EYA1: variants seen among roughly 807,000 people sequenced by gnomAD.
EYA1 encodes the protein protein phosphatase EYA1.
EYA1 carries 16 observed loss-of-function variants against 82.0 expected under a neutral mutation model. The observed-to-expected ratio is 0.20, with a 90% CI of 0.13 to 0.30. The LOEUF (loss-of-function observed/expected upper bound fraction) is 0.30, where lower values mean the gene tolerates loss of function less well. EYA1 is among the 10% of genes least tolerant of loss of function. The pLI is 1.00. For synonymous variants in EYA1, 261 were observed against 264.4 expected, an observed-to-expected ratio of 0.99 and a Z score of 0.12; for missense variants, 633 against 730.7, an observed-to-expected ratio of 0.87 and a Z score of 1.54.
At chr8:71,365,928 G>A (rs564054611), upstream of EYA1, among the ~76,000 whole-genome samples, 55 of 152,298 alleles carry the variant, frequency 3.6e-4, no homozygotes, top group African/African-American at 1.3e-3. Context: ...ACTCCAACAT[G>A]ATTAGCTTTT....
chr8:71,381,535 C>A (rs1309125936), intron 2 of EYA1, among the ~76,000 whole-genome samples: 1 of 152,120 alleles, frequency 6.6e-6, no homozygotes, highest in Non-Finnish European at 1.5e-5. Flanking sequence ...TAGGACAGAC[C>A]AAATCCTGAA....
rs200923204 is a variant in EYA1, at chr8:71,299,226, G to A, written c.647C>T (p.Pro216Leu). Residue 216 changes from proline (P) to leucine (L), a missense_variant, in exon 9 of 18, where the codon CCG becomes CTG. By Grantham distance (98) the Pro-to-Leu change is moderately conservative. Transcript: ENST00000340726. ...ACCCTGGCCAAAACTGGGATAAGACGGATAGTCCTACCAAATCAAACCACA... is the reference window on the plus strand; with the variant it reads ...ACCCTGGCCAAAACTGGGATAAGACAGATAGTCCTACCAAATCAAACCACA... ...SGFNSSQQDY[P>L]SYPSFGQGQY... is the part of the protein sequence containing the mutation. 8 of 1,613,910 alleles carry A rather than the reference G, an allele frequency of 5.0e-6. No homozygotes were observed. Among genetic ancestry groups the A allele is most frequent in the East Asian group, 2.2e-5 (1 of 44,876 alleles).
chr8:71,440,908 C>G (rs1806383451), intron 2 of EYA1, among the ~76,000 whole-genome samples: 1 of 152,050 alleles, frequency 6.6e-6, no homozygotes, highest in Admixed American at 6.6e-5. Context: ...GTAAGGATAT[C>G]CCCCTATGGA....
chr8:71,470,186 T>G (rs965852136), intron 2 of EYA1, among the ~76,000 whole-genome samples: 1 of 152,114 alleles, frequency 6.6e-6, no homozygotes, highest in East Asian at 1.9e-4. Flanking sequence ...TTCCTGAAGA[T>G]GGCCTAATCA....
intron 1 of EYA1, among the ~76,000 whole-genome samples, chr8:71,537,126 T>G (rs1420666087): frequency 6.6e-6 from 1 of 152,342 alleles, no homozygotes; most frequent in Non-Finnish European, 1.5e-5. Context: ...TTATCAATGC[T>G]GCAAATGTAT....
chr8:71,379,356 G>GA (rs1052151059), intron 2 of EYA1, among the ~76,000 whole-genome samples: 1 of 152,054 alleles, frequency 6.6e-6, no homozygotes, highest in Admixed American at 6.6e-5. Context: ...CTAAGGCCAG[G>GA]ATGATACACT....
chr8:71,487,467 T>A (rs1285810026), intron 2 of EYA1, among the ~76,000 whole-genome samples: 1 of 152,194 alleles, frequency 6.6e-6, no homozygotes, highest in Non-Finnish European at 1.5e-5. Flanking sequence ...CCTGTATCCA[T>A]AATTTAAGCA....
At chr8:71,337,814 C>T (rs1018620058) in intron 3 of EYA1, among the ~76,000 whole-genome samples, 2 of 152,078 alleles carry the variant, frequency 1.3e-5, no homozygotes, top group African/African-American at 4.8e-5. Flanking sequence ...GGAGTAATAC[C>T]AGGAACAATA....
chr8:71,402,765 A>G (rs1830025457), intron 2 of EYA1, among the ~76,000 whole-genome samples: 1 of 152,196 alleles, frequency 6.6e-6, no homozygotes, highest in Non-Finnish European at 1.5e-5. Flanking sequence ...TATATACAGA[A>G]ATTAGCAGAA....
intron 2 of EYA1, among the ~76,000 whole-genome samples, chr8:71,372,496 C>T (rs1265302101): frequency 2.0e-5 from 3 of 152,068 alleles, no homozygotes; most frequent in African/African-American, 7.2e-5. Context: ...AGGAAGCAAA[C>T]CTCCTTTACA....
intron 11 of EYA1, among the ~76,000 whole-genome samples, chr8:71,251,308 T>C (rs1256700516): frequency 6.6e-6 from 1 of 152,232 alleles, no homozygotes; most frequent in Non-Finnish European, 1.5e-5. Context: ...TTTTCTTGTT[T>C]AACGAAGAAA....
intron 12 of EYA1, among the ~76,000 whole-genome samples, chr8:71,229,007 A>AAAAAC (rs145240999): frequency 0.013 from 1,985 of 152,292 alleles, 15 homozygotes; most frequent in Admixed American, 0.024. Flanking sequence ...AATATGTTTT[A>AAAAAC]CTTCTGTTTT....
intron 2 of EYA1, among the ~76,000 whole-genome samples, chr8:71,528,359 A>G (rs1238264828): frequency 6.6e-6 from 1 of 152,220 alleles, no homozygotes; most frequent in Non-Finnish European, 1.5e-5. Context: ...GGCCCTGGAA[A>G]TATAAACATG....
intron 2 of EYA1, among the ~76,000 whole-genome samples, chr8:71,424,266 A>T (rs916667572): frequency 1.3e-5 from 2 of 152,240 alleles, no homozygotes; most frequent in African/African-American, 2.4e-5. Flanking sequence ...TGTTACAGTC[A>T]GATCCACAAT....
chr8:71,242,947 T>G (rs539336160), intron 12 of EYA1, among the ~76,000 whole-genome samples: 2 of 143,646 alleles, frequency 1.4e-5, no homozygotes, highest in Admixed American at 1.4e-4. Flanking sequence ...CCAGCTAATT[T>G]TGTATTTTTA....
intron 12 of EYA1, among the ~76,000 whole-genome samples, chr8:71,235,052 TA>T (rs1343521208): frequency 1.3e-5 from 2 of 152,238 alleles, no homozygotes; most frequent in South Asian, 2.1e-4. Context: ...CATATTTCCA[TA>T]AAAGGATACT....
intron 2 of EYA1, among the ~76,000 whole-genome samples, chr8:71,355,503 G>A (rs1457508867): frequency 6.6e-6 from 1 of 152,134 alleles, no homozygotes; most frequent in Non-Finnish European, 1.5e-5. Context: ...CTACTTAATT[G>A]TTCCTCTGTT....
At chr8:71,451,155 A>G (rs779231083) in intron 2 of EYA1, among the ~76,000 whole-genome samples, 11 of 152,218 alleles carry the variant, frequency 7.2e-5, no homozygotes, top group Non-Finnish European at 1.5e-4. Context: ...GTCCTGGAAA[A>G]TGATTTGGCA....
rs150720562 is a variant in EYA1 at position 71,452,519 on chromosome 8, C to T, written c.33+83225G>A. ...AGTACCCTAACTGGGAGGCACCCCC[C>T]AGTAGGGGCAGACTGACACCTCACA... On this transcript the variant is annotated intron_variant, in intron 2 of 18. Coordinates refer to the EYA1 transcript ENST00000643681. 1.4e-3 allele frequency among the ~76,000 whole-genome samples: 206 copies of T among 152,296 alleles called. 2 individuals are homozygous for T. The highest frequency in any genetic ancestry group is 4.5e-3 in the African/African-American group (188 of 41,562).
Sources: gnomAD v4.1 joint callset for allele counts (sites outside exome capture counted in the v4.1 genomes callset) on GRCh38, gnomAD v4.1.1 for gene constraint, MANE v1.5 for transcripts, NCBI Gene and HGNC (gene_info 2026-07-23, HGNC 2026-07-21) for gene names.